CYP7B1: variants seen among roughly 807,000 people sequenced by gnomAD.
CYP7B1 encodes the protein cytochrome P450 family 7 subfamily B member 1, also known as cytochrome P450 7B1.
Under a neutral mutation model 42.7 loss-of-function variants are expected in CYP7B1, and 29 were observed. That is an observed-to-expected ratio of 0.68 (90% CI 0.51 to 0.93). The LOEUF (loss-of-function observed/expected upper bound fraction) is 0.93. Among genes scored for constraint, CYP7B1 ranks in the 40% least tolerant of loss-of-function variants. The pLI is 0.00. For missense variants in CYP7B1, 655 were observed against 600.5 expected, an observed-to-expected ratio of 1.09 and a Z score of -0.95; for synonymous variants, 235 against 218.2, an observed-to-expected ratio of 1.08 and a Z score of -0.68.
At chr8:64,590,676 A>C (rs922072007), downstream of CYP7B1, among the ~76,000 whole-genome samples, 1 of 152,216 alleles carries the variant, frequency 6.6e-6, no homozygotes, top group Non-Finnish European at 1.5e-5. Flanking sequence ...GAAATAGTTA[A>C]TATACTTTCA....
At chr8:64,665,366 G>GGGT (rs1250839530) in intron 1 of CYP7B1, among the ~76,000 whole-genome samples, 1 of 151,958 alleles carries the variant, frequency 6.6e-6, no homozygotes, top group Non-Finnish European at 1.5e-5. Flanking sequence ...CAAGGAGGAG[G>GGGT]GGTCCTTTTA....
intron 1 of CYP7B1, among the ~76,000 whole-genome samples, chr8:64,759,959 G>T (rs1452234412): frequency 3.9e-5 from 6 of 152,052 alleles, no homozygotes; most frequent in Non-Finnish European, 5.9e-5. Flanking sequence ...CAATATTTCA[G>T]AGAATATGTT....
At chr8:64,614,209 G>A (rs908225550) in intron 4 of CYP7B1, among the ~76,000 whole-genome samples, 2 of 152,038 alleles carry the variant, frequency 1.3e-5, no homozygotes, top group Non-Finnish European at 2.9e-5. Flanking sequence ...AAAGGGGAAC[G>A]AAATCTTTAA....
chr8:64,648,437 G>A (rs1372876632), intron 1 of CYP7B1, among the ~76,000 whole-genome samples: 3 of 152,118 alleles, frequency 2.0e-5, no homozygotes, highest in African/African-American at 7.2e-5. Flanking sequence ...TTTGTGCTCG[G>A]ATCCCCACAT....
At chr8:64,703,564 A>G (rs913215179) in intron 1 of CYP7B1, among the ~76,000 whole-genome samples, 84 of 152,140 alleles carry the variant, frequency 5.5e-4, no homozygotes, top group African/African-American at 2.0e-3. Context: ...CCTCACATTA[A>G]TAGGGTAAAC....
At chr8:64,671,050 T>G (rs1256482514) in intron 1 of CYP7B1, among the ~76,000 whole-genome samples, 1 of 152,194 alleles carries the variant, frequency 6.6e-6, no homozygotes, top group Non-Finnish European at 1.5e-5. Context: ...GGTAAGTTAT[T>G]GAATAACAAC....
intron 5 of CYP7B1, among the ~76,000 whole-genome samples, chr8:64,601,829 C>CT (rs1805209132): frequency 6.6e-6 from 1 of 152,152 alleles, no homozygotes; most frequent in African/African-American, 2.4e-5. Flanking sequence ...GAGCTGAGGG[C>CT]TAGTTCAGAA....
intron 1 of CYP7B1, among the ~76,000 whole-genome samples, chr8:64,733,558 AC>A (rs1807444731): frequency 6.6e-6 from 1 of 152,032 alleles, no homozygotes; most frequent in Non-Finnish European, 1.5e-5. Flanking sequence ...TCTCTACCAT[AC>A]GCTAGTACTG....
At chr8:64,616,961 C>G (rs755306833) in intron 2 of CYP7B1, among the ~76,000 whole-genome samples, 1 of 152,160 alleles carries the variant, frequency 6.6e-6, no homozygotes. Context: ...TCACCATTCA[C>G]CACATTTATT....
intron 5 of CYP7B1, among the ~76,000 whole-genome samples, chr8:64,599,437 C>T (rs925961909): frequency 2.0e-5 from 3 of 152,178 alleles, no homozygotes; most frequent in Non-Finnish European, 2.9e-5. Flanking sequence ...ATCCGCCGGC[C>T]TCGGCCTCCC....
At chr8:64,782,965 T>G (rs952188918) in intron 1 of CYP7B1, among the ~76,000 whole-genome samples, 1 of 152,166 alleles carries the variant, frequency 6.6e-6, no homozygotes, top group Non-Finnish European at 1.5e-5. Context: ...AGAAACAATC[T>G]AACCTCTGGG....
chr8:64,613,447 A>C (rs1805390518), intron 4 of CYP7B1, among the ~76,000 whole-genome samples: 1 of 152,180 alleles, frequency 6.6e-6, no homozygotes. Context: ...ACAGAATACA[A>C]ACACATATTC....
Position 64,616,471 on chromosome 8 carries a change from T to C in CYP7B1, c.260-190A>G, listed in dbSNP as rs538084017. ...CTTTGAAAGATGGTGGAAAACACTCTAGAAACGTGAAGTTAAATATCCTGA... is the reference window on the plus strand; with the variant it reads ...CTTTGAAAGATGGTGGAAAACACTCCAGAAACGTGAAGTTAAATATCCTGA... On this transcript the variant is annotated intron_variant, in intron 2 of 5. Transcript: ENST00000310193. Among the ~76,000 whole-genome samples, 3 of 152,310 alleles carry C rather than the reference T, an allele frequency of 2.0e-5. No homozygotes were observed. The East Asian group carries it at 5.8e-4, about 29-fold the overall frequency.
chr8:64,641,903 A>G (rs538341193), intron 1 of CYP7B1, among the ~76,000 whole-genome samples: 1 of 152,324 alleles, frequency 6.6e-6, no homozygotes, highest in South Asian at 2.1e-4. Context: ...AAGGAAGACA[A>G]TGGCTCATGG....
chr8:64,756,515 A>G (rs1472085271), intron 1 of CYP7B1, among the ~76,000 whole-genome samples: 1 of 152,220 alleles, frequency 6.6e-6, no homozygotes, highest in African/African-American at 2.4e-5. Flanking sequence ...AGAGGAAAGG[A>G]ACCAGAATGG....
intron 1 of CYP7B1, among the ~76,000 whole-genome samples, chr8:64,722,907 C>T (rs1485525679): frequency 6.6e-6 from 1 of 151,854 alleles, no homozygotes; most frequent in Non-Finnish European, 1.5e-5. Context: ...TGCAATTGAG[C>T]GGAAGCAACA....
At chr8:64,770,238 A>G (rs775563464) in intron 1 of CYP7B1, among the ~76,000 whole-genome samples, 1 of 152,174 alleles carries the variant, frequency 6.6e-6, no homozygotes, top group Non-Finnish European at 1.5e-5. Flanking sequence ...GAAAACCTCT[A>G]AATCTCAAAA....
chr8:64,789,178 T>C (rs938180552), intron 1 of CYP7B1, among the ~76,000 whole-genome samples: 10 of 152,210 alleles, frequency 6.6e-5, no homozygotes, highest in Non-Finnish European at 1.3e-4. Context: ...TCCACCCACC[T>C]TGGTCTCCCA....
At chr8:64,736,752 AT>A (rs1337322295) in intron 1 of CYP7B1, among the ~76,000 whole-genome samples, 2 of 151,558 alleles carry the variant, frequency 1.3e-5, no homozygotes, top group South Asian at 2.1e-4. Flanking sequence ...CCTGGGCTGA[AT>A]TTTTTTTTAA....
Sources: allele counts gnomAD v4.1 joint callset (sites outside exome capture counted in the v4.1 genomes callset), GRCh38; gene constraint gnomAD v4.1.1; transcripts MANE v1.5; gene names NCBI Gene and HGNC (gene_info 2026-07-23, HGNC 2026-07-21).